Variants in EBF2 observed in about 807,000 individuals in gnomAD.
EBF2 encodes the protein EBF transcription factor 2.
A neutral mutation model predicts 72.8 loss-of-function variants in EBF2; 21 were observed. The observed-to-expected ratio is 0.29, with a 90% confidence interval of 0.20 to 0.42. The LOEUF (loss-of-function observed/expected upper bound fraction) is 0.42. EBF2 is among the 10% of genes least tolerant of loss of function. EBF2 has a pLI of 1.00. For synonymous variants in EBF2, 299 were observed against 274.2 expected, an observed-to-expected ratio of 1.09 and a Z score of -0.89; for missense variants, 637 against 731.2, an observed-to-expected ratio of 0.87 and a Z score of 1.49.
intron 6 of EBF2, among the ~76,000 whole-genome samples, chr8:25,921,213 TA>T (rs1803301869): frequency 6.6e-6 from 1 of 152,202 alleles, no homozygotes; most frequent in Non-Finnish European, 1.5e-5. Flanking sequence ...TGTAAAAATA[TA>T]AAACCAGGTA....
At chr8:26,019,496 G>A (rs1261000331) in intron 6 of EBF2, among the ~76,000 whole-genome samples, 3 of 152,146 alleles carry the variant, frequency 2.0e-5, no homozygotes, top group East Asian at 1.9e-4. Context: ...CCATGGCACT[G>A]CAAATCCCAC....
intron 6 of EBF2, among the ~76,000 whole-genome samples, chr8:25,978,502 C>A (rs1804303999): frequency 6.6e-6 from 1 of 152,112 alleles, no homozygotes. Context: ...CCTGGTTATC[C>A]CATGATGGCG....
chr8:25,858,651 C>CTTTTTTTTT, intron 13 of EBF2, 147 bp from the exon 14 acceptor site: 1 of 132,972 alleles, frequency 7.5e-6, no homozygotes, highest in Non-Finnish European at 1.3e-5. Flanking sequence ...CCATCTTTAG[C>CTTTTTTTTT]TTTTTTTTTT....
rs190125061 is a variant in EBF2, at chr8:26,009,611, C to T, written c.551+23474G>A. Reference sequence around the variant, plus strand: ...AGCCACGATTCTCTAAGAAATACCGCCCGCAAATTAAAAGTATCCGAGATT... The same window carrying T: ...AGCCACGATTCTCTAAGAAATACCGTCCGCAAATTAAAAGTATCCGAGATT... On this transcript the variant is annotated intron_variant, in intron 6 of 15. Coordinates refer to ENST00000520164, the MANE Select transcript of EBF2 (RefSeq NM_022659.4). 2.6e-3 allele frequency among the ~76,000 whole-genome samples: 394 copies of T among 152,296 alleles called. 7 individuals carry two copies. Among genetic ancestry groups the T allele is most frequent in the Admixed American group, 0.023 (355 of 15,290 alleles).
chr8:25,934,032 A>C (rs1803531188), intron 6 of EBF2, among the ~76,000 whole-genome samples: 1 of 152,144 alleles, frequency 6.6e-6, no homozygotes, highest in Non-Finnish European at 1.5e-5. Context: ...TTTAAGTAAA[A>C]ATTCAATCTG....
chr8:26,044,647 G>C lies in EBF2; in HGVS notation c.131+82C>G. 1.3e-6 allele frequency: 2 copies of C among 1,525,688 alleles called. No homozygotes were observed. The highest frequency in any genetic ancestry group is 2.4e-5 in the South Asian group (2 of 82,244). 94.5% of individuals were successfully genotyped at this position (1,525,688 alleles called of 1,614,324 possible). On this transcript the variant is annotated intron_variant, in intron 1 of 15. Transcript: ENST00000520164. The surrounding 1 kb of genome is among the most constrained non-coding windows in gnomAD (Gnocchi z 4.1). ...GGGGGACAGGGAGAGAGAAAGGCAC[G>C]GGGTGCGCGGGGGGGGTGCACACGG...
intron 6 of EBF2, among the ~76,000 whole-genome samples, chr8:26,006,273 T>C (rs1804880542): frequency 6.6e-6 from 1 of 152,202 alleles, no homozygotes; most frequent in Non-Finnish European, 1.5e-5. Flanking sequence ...TGCATGCACA[T>C]ATGTAGGCAC....
chr8:25,982,092 T>G (rs1804371243), intron 6 of EBF2, among the ~76,000 whole-genome samples: 1 of 152,166 alleles, frequency 6.6e-6, no homozygotes, highest in Non-Finnish European at 1.5e-5. Flanking sequence ...ATATATAAAG[T>G]TGACCCAATT....
intron 6 of EBF2, among the ~76,000 whole-genome samples, chr8:25,938,977 C>T (rs950597831): frequency 6.6e-6 from 1 of 152,144 alleles, no homozygotes; most frequent in African/African-American, 2.4e-5. Context: ...TCCCAGAGAC[C>T]TGGGAACCCC....
At chr8:25,937,098 C>A (rs903706792) in intron 6 of EBF2, among the ~76,000 whole-genome samples, 6 of 152,094 alleles carry the variant, frequency 3.9e-5, no homozygotes, top group Non-Finnish European at 1.5e-5. Context: ...ACATTCTGAT[C>A]GATTGATTAA....
intron 6 of EBF2, among the ~76,000 whole-genome samples, chr8:25,921,914 C>A (rs1179949088): frequency 6.6e-6 from 1 of 152,170 alleles, no homozygotes; most frequent in African/African-American, 2.4e-5. Context: ...CTTCTGTGCA[C>A]CTGGAATTTC....
At position 26,002,969 on chromosome 8, in the gene EBF2, G is replaced by A. The variant is rs573570092; in HGVS notation, c.551+30116C>T. ...GGGCGGGCAGGCAGGCAGGCAGGCAGGTGGCCCTGGACAGCTCCCAGACAG... is the reference window on the plus strand; with the variant it reads ...GGGCGGGCAGGCAGGCAGGCAGGCAAGTGGCCCTGGACAGCTCCCAGACAG... On this transcript the variant is annotated intron_variant, in intron 6 of 15. Coordinates refer to ENST00000520164, the MANE Select transcript of EBF2 (RefSeq NM_022659.4). Among the ~76,000 whole-genome samples, 162 of 150,632 alleles carry A rather than the reference G, an allele frequency of 1.1e-3. 1 individual carries two copies. Among genetic ancestry groups the A allele is most frequent in the African/African-American group, 3.9e-3 (160 of 40,978 alleles).
At chr8:25,958,423 C>G (rs998731242) in intron 6 of EBF2, among the ~76,000 whole-genome samples, 1 of 151,794 alleles carries the variant, frequency 6.6e-6, no homozygotes. Context: ...CTTCCTGCCC[C>G]TTTCTCCATC....
intron 2 of EBF2, 30 bp downstream of exon 2, chr8:26,042,065 C>A: frequency 6.2e-7 from 1 of 1,605,802 alleles, no homozygotes; most frequent in South Asian, 1.1e-5. Context: ...GTTATTAGGC[C>A]GCGGGGTTTG....
intron 10 of EBF2, among the ~76,000 whole-genome samples, chr8:25,864,890 C>T (rs539974005): frequency 2.6e-5 from 4 of 151,884 alleles, no homozygotes; most frequent in Non-Finnish European, 4.4e-5. Context: ...CTCCACTGCC[C>T]GGGTTCAAGC....
chr8:25,971,527 A>G (rs1804189869), intron 6 of EBF2, among the ~76,000 whole-genome samples: 1 of 152,148 alleles, frequency 6.6e-6, no homozygotes, highest in African/African-American at 2.4e-5. Context: ...TATGAGCGCT[A>G]AATTATTGGT....
intron 7 of EBF2, among the ~76,000 whole-genome samples, chr8:25,894,729 A>G (rs1802839380): frequency 6.6e-6 from 1 of 152,212 alleles, no homozygotes; most frequent in Admixed American, 6.5e-5. Context: ...AACATTTCTT[A>G]CCATTACCTT....
intron 6 of EBF2, among the ~76,000 whole-genome samples, chr8:26,020,803 G>C (rs1400681684): frequency 1.3e-5 from 2 of 152,094 alleles, no homozygotes; most frequent in African/African-American, 4.8e-5. Context: ...AGGTCTAAAG[G>C]GTGGTTACTC....
intron 6 of EBF2, among the ~76,000 whole-genome samples, chr8:25,925,529 C>T (rs1017052019): frequency 4.6e-5 from 7 of 152,160 alleles, no homozygotes; most frequent in Admixed American, 4.6e-4. Context: ...AGTGTATGCT[C>T]TCACCCCCCA....
Sources: gnomAD v4.1 joint callset for allele counts (sites outside exome capture counted in the v4.1 genomes callset) on GRCh38, gnomAD v4.1.1 for gene constraint, Gnocchi (gnomAD v3.1) non-coding constraint, MANE v1.5 for transcripts, NCBI Gene and HGNC (gene_info 2026-07-23, HGNC 2026-07-21) for gene names.